Variants in SLC51B observed in about 807,000 individuals in gnomAD.
The protein encoded by SLC51B is SLC51 subunit beta.
In SLC51B, 6 loss-of-function variants were observed where a neutral mutation model predicts 8.0. The ratio of observed to expected loss-of-function variants is 0.75; its 90% CI spans 0.41 to 1.48. The LOEUF is 1.48. SLC51B is among the 40% of genes most tolerant of loss of function. The pLI is 0.01. For synonymous variants in SLC51B, 61 were observed against 54.8 expected, an observed-to-expected ratio of 1.11 and a Z score of -0.50; for missense variants, 150 against 149.7, an observed-to-expected ratio of 1.00 and a Z score of -0.01.
At chr15:65,050,810 CT>C (rs111590431) in intron 2 of SLC51B, among the ~76,000 whole-genome samples, 3 of 127,790 alleles carry the variant, frequency 2.3e-5, no homozygotes, top group African/African-American at 5.9e-5. Context: ...TCTTTCTTTC[CT>C]TTTTTTTTCT....
intron 3 of SLC51B, 82 bp downstream of exon 3, chr15:65,051,687 T>C: frequency 2.2e-6 from 3 of 1,357,754 alleles, no homozygotes; most frequent in Non-Finnish European, 3.1e-6. Context: ...TAGAGAGGGG[T>C]CACTTAGGGG....
chr15:65,048,636 C>G (rs529196775), intron 1 of SLC51B, among the ~76,000 whole-genome samples: 1 of 152,160 alleles, frequency 6.6e-6, no homozygotes, highest in South Asian at 2.1e-4. Context: ...ATTTTAGTTA[C>G]GTTTATCTCC....
Position 65,053,194 on chromosome 15 carries a change from C to G in SLC51B, c.*30C>G, listed in dbSNP as rs753353692. 3.1e-6 allele frequency: 5 copies of G among 1,611,570 alleles called. No homozygotes were observed. In the South Asian group the frequency reaches 4.4e-5, roughly 14 times the overall value. On this transcript the variant is annotated 3_prime_UTR_variant, in exon 4 of 4. Coordinates refer to ENST00000334287, the MANE Select transcript of SLC51B (RefSeq NM_178859.4). ...GGTTCAGAGAAGCCCCATCCTAAGC[C>G]AGACACATGATGTGGGCTCAGCTCA...
At chr15:65,047,486 A>G (rs972429936) in intron 1 of SLC51B, among the ~76,000 whole-genome samples, 1 of 152,218 alleles carries the variant, frequency 6.6e-6, no homozygotes, top group African/African-American at 2.4e-5. Context: ...TGAATATCCC[A>G]TGTGTCTAAA....
At chr15:65,047,270 T>G (rs933723287) in intron 1 of SLC51B, among the ~76,000 whole-genome samples, 88 of 147,202 alleles carry the variant, frequency 6.0e-4, no homozygotes, top group Middle Eastern at 3.4e-3. Context: ...TGGGAGGCGG[T>G]GGTTGCAGTG....
rs751403585 is a variant in SLC51B, at chr15:65,053,035, C to T, written c.258C>T (p.His86=). 1.9e-6 allele frequency: 3 copies of T among 1,613,936 alleles called. No homozygotes were observed. The highest frequency in any genetic ancestry group is 2.7e-5 in the African/African-American group (2 of 74,866). The part of the protein sequence containing the change: ...EVLHLDEAKD[H]NSLNNLRETL... ...TGCATTTGGATGAGGCCAAGGATCA[C>T]AACAGCCTAAACAACCTAAGAGAAA... The change falls in exon 4 of 4, where the codon CAC becomes CAT. Residue 86 remains histidine, a synonymous_variant. Coordinates refer to ENST00000334287, the MANE Select transcript of SLC51B (RefSeq NM_178859.4).
intron 2 of SLC51B, among the ~76,000 whole-genome samples, chr15:65,050,749 T>C (rs975774583): frequency 6.6e-6 from 1 of 152,000 alleles, no homozygotes; most frequent in African/African-American, 2.4e-5. Flanking sequence ...TTTAGTCACT[T>C]CATGTATTAT....
At chr15:65,050,189 C>T (rs1167318574) in intron 2 of SLC51B, 88 bp downstream of exon 2, 1 of 1,029,028 alleles carries the variant, frequency 9.7e-7, no homozygotes, top group Non-Finnish European at 1.4e-6. Flanking sequence ...ACTGTCGTCC[C>T]CTCCAGGTCA....
chr15:65,046,131 T>C (rs1369053502), intron 1 of SLC51B, among the ~76,000 whole-genome samples: 1 of 152,164 alleles, frequency 6.6e-6, no homozygotes, highest in Non-Finnish European at 1.5e-5. Flanking sequence ...TGAAATGCTG[T>C]CTCTACTAAT....
rs67418433 is a variant in SLC51B at position 65,050,833 on chromosome 15, C to CTTTTTTTTTTTTTTTTTTTTTTTTTT, written c.98-680_98-679insTTTTTTTTTTTTTTTTTTTTTTTTTT. On this transcript the variant is annotated intron_variant, in intron 2 of 3. Coordinates refer to ENST00000334287, the MANE Select transcript of SLC51B (RefSeq NM_178859.4). ...TCCTTTTTTTTTCTTTCTTCTTCTT[C>CTTTTTTTTTTTTTTTTTTTTTTTTTT]TTCTTTTTTTTTTTTTTTTTGCCTT... Among the ~76,000 whole-genome samples the CTTTTTTTTTTTTTTTTTTTTTTTTTT allele has an allele frequency of 2.6e-3, 232 of 88,610 alleles. 1 individual carries two copies. The highest frequency in any genetic ancestry group is 4.1e-3 in the South Asian group (8 of 1,942). The allele number at this position is 88,610 out of a possible 152,430, so 58.1% of individuals were successfully genotyped here. A position where few individuals can be genotyped will look rare whatever the true frequency, so the allele number is the denominator to read the frequency against.
Position 65,052,986 on chromosome 15 carries a change from C to T in SLC51B, c.209C>T (p.Pro70Leu). ...CCCAGAAAAGAAAAGATGCAGCCAC[C>T]AGAAAAAGAAACTCCAGAAGTCCTG... ...QASRKEKMQPPEKETPEVLHL... is the reference protein window; with the variant it reads ...QASRKEKMQPLEKETPEVLHL... The change falls in exon 4 of 4, where the codon CCA becomes CTA. Residue 70 changes from proline to leucine, a missense_variant. Pro to Leu is a moderately conservative substitution (Grantham distance 98). Coordinates refer to ENST00000334287, the MANE Select transcript of SLC51B (RefSeq NM_178859.4). 1 of 1,613,062 alleles carries T rather than the reference C, an allele frequency of 6.2e-7. No homozygotes were observed. The highest frequency in any genetic ancestry group is 8.5e-7 in the Non-Finnish European group (1 of 1,179,742).
At chr15:65,051,369 G>C (rs1049964349) in intron 2 of SLC51B, 146 bp from the exon 3 acceptor site, 2 of 693,804 alleles carry the variant, frequency 2.9e-6, no homozygotes, top group African/African-American at 1.8e-5. Context: ...GAGTGCCCCA[G>C]GGCAAGGGGC....
chr15:65,049,504 G>C (rs2086621269), intron 1 of SLC51B: 1 of 152,204 alleles, frequency 6.6e-6, no homozygotes. Context: ...TGACATGTGG[G>C]GAAACACAGG....
chr15:65,046,752 A>G (rs1357275006), intron 1 of SLC51B, among the ~76,000 whole-genome samples: 1 of 152,098 alleles, frequency 6.6e-6, no homozygotes, highest in Non-Finnish European at 1.5e-5. Context: ...ATCGCTACAA[A>G]AAATACAAAA....
chr15:65,051,487 G>T, intron 2 of SLC51B, 28 bp from the exon 3 acceptor site: 1 of 1,610,790 alleles, frequency 6.2e-7, no homozygotes, highest in South Asian at 1.1e-5. Context: ...CCATTCCTCA[G>T]GGCTCTGTCC....
chr15:65,050,282 T>C (rs923610896), intron 2 of SLC51B, among the ~76,000 whole-genome samples, 181 bp downstream of exon 2: 1 of 152,186 alleles, frequency 6.6e-6, no homozygotes, highest in African/African-American at 2.4e-5. Context: ...CCCTTCCTTT[T>C]CTCAGGGTGT....
intron 2 of SLC51B, among the ~76,000 whole-genome samples, chr15:65,050,853 T>TG (rs2086644025): frequency 1.4e-5 from 2 of 144,212 alleles, no homozygotes; most frequent in South Asian, 4.5e-4. Flanking sequence ...TTTTTTTTTT[T>TG]GCCTTTTTTT....
chr15:65,051,193 G>C (rs2086648965), intron 2 of SLC51B, among the ~76,000 whole-genome samples: 1 of 152,158 alleles, frequency 6.6e-6, no homozygotes, highest in Non-Finnish European at 1.5e-5. Context: ...TGGCAAAACT[G>C]AAGATTGTGA....
intron 2 of SLC51B, 24 bp downstream of exon 2, chr15:65,050,125 A>C: frequency 6.5e-7 from 1 of 1,542,228 alleles, no homozygotes; most frequent in African/African-American, 1.4e-5. Flanking sequence ...GATTGACGGC[A>C]GGGGTGGGGG....
Sources: allele counts gnomAD v4.1 joint callset (sites outside exome capture counted in the v4.1 genomes callset), GRCh38; gene constraint gnomAD v4.1.1; transcripts MANE v1.5; gene names NCBI Gene and HGNC (gene_info 2026-07-23, HGNC 2026-07-21).